The following ALDH4A1 variants were observed in gnomAD, a reference collection of about 807,000 sequenced individuals.
The protein encoded by ALDH4A1 is delta-1-pyrroline-5-carboxylate dehydrogenase, mitochondrial.
Under a neutral mutation model 70.5 loss-of-function variants are expected in ALDH4A1, and 46 were observed. The ratio of observed to expected loss-of-function variants is 0.65; its 90% CI spans 0.51 to 0.83. The LOEUF (loss-of-function observed/expected upper bound fraction) is 0.83, where lower values mean the gene tolerates loss of function less well. Ranked by LOEUF, ALDH4A1 falls within the 40% of genes least tolerant of loss-of-function variation. ALDH4A1 has a pLI of 0.00. For missense variants in ALDH4A1, 749 were observed against 766.5 expected (o/e 0.98, Z 0.27); for synonymous variants, 323 against 324.3 (o/e 1.00, Z 0.04).
At chr1:18,886,861 G>C in intron 3 of ALDH4A1, among the ~76,000 whole-genome samples, 1 of 152,190 alleles carries the variant, frequency 6.6e-6, no homozygotes, top group East Asian at 1.9e-4. Context: ...TGGGGCCCCA[G>C]GTAAGCTCAC....
intron 11 of ALDH4A1, among the ~76,000 whole-genome samples, chr1:18,876,819 A>C (rs1285626325): frequency 6.6e-6 from 1 of 152,164 alleles, no homozygotes; most frequent in Non-Finnish European, 1.5e-5. Context: ...CTCCATGTAC[A>C]TGCGTGTGGG....
At chr1:18,883,606 C>G (rs1048392065) in intron 5 of ALDH4A1, among the ~76,000 whole-genome samples, 178 bp from the exon 6 acceptor site, 1 of 152,202 alleles carries the variant, frequency 6.6e-6, no homozygotes, top group Non-Finnish European at 1.5e-5. Context: ...TTCTCAAGCC[C>G]CTGAGCTAGC....
intron 10 of ALDH4A1, 59 bp downstream of exon 10, chr1:18,877,357 A>T: frequency 1.3e-6 from 2 of 1,553,436 alleles, no homozygotes; most frequent in Non-Finnish European, 1.7e-6. Context: ...GGAGCCTCCC[A>T]GGGACCCAAT....
Position 18,872,875 on chromosome 1 carries a change from C to T in ALDH4A1, c.1662G>A (p.Leu554=). 1 of 1,614,072 alleles carries T rather than the reference C, an allele frequency of 6.2e-7. No homozygotes were observed. Among genetic ancestry groups the T allele is most frequent in the Non-Finnish European group, 8.5e-7 (1 of 1,180,026 alleles). The change falls in exon 15 of 15, where the codon CTG becomes CTA. Residue 554 remains leucine (L), a synonymous_variant. Coordinates refer to ENST00000375341, the MANE Select transcript of ALDH4A1 (RefSeq NM_003748.4). ...PQVIKETHKP[L]GDWSYAYMQ ...GCATGTACGCGTAGCTCCAGTCCCC[C>T]AGGGGCTTATGTGTCTCCTTGATGA...
In ALDH4A1 at chr1:18,880,817, C is replaced by T. The variant is rs1212446416; in HGVS notation, c.866+883G>A. 6.6e-6 allele frequency among the ~76,000 whole-genome samples: 1 copy of T among 152,212 alleles called. No homozygotes were observed. The highest frequency in any genetic ancestry group is 1.5e-5 in the Non-Finnish European group (1 of 68,048). ...TTAGGAGTCAAAGAAAGTAGAGCCTCTTGCCAGATCCAATTTGGGGGCCAT... is the reference window on the plus strand; with the variant it reads ...TTAGGAGTCAAAGAAAGTAGAGCCTTTTGCCAGATCCAATTTGGGGGCCAT... On this transcript the variant is annotated intron_variant, in intron 8 of 14. Transcript: ENST00000375341. This position sits in a 1 kb window ranked among gnomAD's most constrained non-coding sequence, Gnocchi z 5.1.
At chr1:18,900,159 C>T (rs570151353) in intron 1 of ALDH4A1, among the ~76,000 whole-genome samples, 1 of 152,152 alleles carries the variant, frequency 6.6e-6, no homozygotes. Context: ...TAAAAGAAAA[C>T]ATGTATCAAG....
intron 5 of ALDH4A1, 126 bp downstream of exon 5, chr1:18,885,346 AC>A (rs1485622209): frequency 3.3e-6 from 3 of 903,450 alleles, no homozygotes; most frequent in East Asian, 5.3e-5. Context: ...TCCCTTGAGG[AC>A]ATCTCTGGGT....
In ALDH4A1 at chr1:18,881,826, C is replaced by A. The variant is rs558761793; in HGVS notation, c.740G>T (p.Arg247Leu). ...TAMLASYAVYRILREAGLPPN... is the reference protein window; with the variant it reads ...TAMLASYAVYLILREAGLPPN... ...GGGCAGGCCAGCCTCCCGAAGGATG[C>A]GGTAGACAGCATAGCTGGCCAGCAT... The change falls in exon 8 of 15, where the codon CGC (arginine) becomes CTC (leucine). Residue 247 changes from arginine to leucine, a missense_variant. Coordinates refer to ENST00000375341, the MANE Select transcript of ALDH4A1 (RefSeq NM_003748.4). 2.2e-4 allele frequency: 348 copies of A among 1,613,860 alleles called. 4 individuals are homozygous for A. The highest frequency in any genetic ancestry group is 1.9e-3 in the South Asian group (169 of 91,078).
intron 1 of ALDH4A1, among the ~76,000 whole-genome samples, chr1:18,897,662 G>T (rs945732092): frequency 2.6e-5 from 4 of 152,210 alleles, no homozygotes; most frequent in African/African-American, 7.2e-5. Flanking sequence ...CCTGGCTCAG[G>T]GTCACAGCTC....
At chr1:18,893,169 C>A (rs1935501734) in intron 1 of ALDH4A1, among the ~76,000 whole-genome samples, 2 of 152,204 alleles carry the variant, frequency 1.3e-5, no homozygotes, top group Non-Finnish European at 2.9e-5. Flanking sequence ...AAAGCACAGG[C>A]CCCAGAAGTG....
chr1:18,890,971 A>C (rs1935410851), intron 1 of ALDH4A1: 1 of 899,450 alleles, frequency 1.1e-6, no homozygotes, highest in Non-Finnish European at 1.3e-6. Flanking sequence ...AGCTCAGCTC[A>C]CAGCCCCGGG....
chr1:18,879,227 C>A, intron 9 of ALDH4A1, 73 bp downstream of exon 9: 1 of 1,439,580 alleles, frequency 6.9e-7, no homozygotes, highest in Non-Finnish European at 9.6e-7. Flanking sequence ...CCCTCTACCT[C>A]CCTCCTCTTT....
chr1:18,876,344 T>C lies in ALDH4A1; in HGVS notation c.1309A>G (p.Lys437Glu). ...TTCATGATGGGCTCCTGAGGGTCCT[T>C]GCTCTCCACGATGCAGGGCTCCACA... ...YFVEPCIVES[K>E]DPQEPIMKEE... The change falls in exon 12 of 15, where the codon AAG becomes GAG. Residue 437 changes from lysine to glutamate, a missense_variant. Coordinates refer to ENST00000375341, the MANE Select transcript of ALDH4A1 (RefSeq NM_003748.4). 6.2e-7 allele frequency: 1 copy of C among 1,613,958 alleles called. No homozygotes were observed. Among genetic ancestry groups the C allele is most frequent in the Non-Finnish European group, 8.5e-7 (1 of 1,179,990 alleles).
chr1:18,873,231 G>A (rs1364184015), intron 14 of ALDH4A1, among the ~76,000 whole-genome samples: 1 of 152,166 alleles, frequency 6.6e-6, no homozygotes, highest in African/African-American at 2.4e-5. Flanking sequence ...GGTGTGGCGT[G>A]GAGAGAACAC....
rs1188025148 is a variant in ALDH4A1, at chr1:18,871,757, A to G, written c.*1088T>C. 1 of 152,238 alleles carries G rather than the reference A, an allele frequency of 6.6e-6. No homozygotes were observed. Among genetic ancestry groups the G allele is most frequent in the Non-Finnish European group, 1.5e-5 (1 of 68,038 alleles). 9.4% of individuals were successfully genotyped at this position (152,238 alleles called of 1,614,324 possible). A position where few individuals can be genotyped will look rare whatever the true frequency, so the allele number is the denominator to read the frequency against. On this transcript the variant is annotated 3_prime_UTR_variant, in exon 15 of 15. Transcript: ENST00000375341. The stretch of plus-strand genomic sequence containing the variant: ...CATCCTTGAAAGTCATGCTTTACAG[A>G]TCTCTGACCACTCAGAATCCAAGCA...
chr1:18,899,653 TTAATC>T (rs1463100222), intron 1 of ALDH4A1, among the ~76,000 whole-genome samples: 2 of 152,242 alleles, frequency 1.3e-5, no homozygotes, highest in Non-Finnish European at 2.9e-5. Context: ...CCTCAGTTGT[TTAATC>T]TGTGAAATGG....
chr1:18,885,436 A>ACCCCCCCCCCCCCCC, intron 5 of ALDH4A1, 37 bp downstream of exon 5: 24 of 386,854 alleles, frequency 6.2e-5, no homozygotes, highest in East Asian at 1.3e-4. Flanking sequence ...CTCCCACCCC[A>ACCCCCCCCCCCCCCC]CCCCGCCCCA....
At chr1:18,881,990 C>G (rs1934994893) in intron 7 of ALDH4A1, 103 bp from the exon 8 acceptor site, 1 of 1,199,744 alleles carries the variant, frequency 8.3e-7, no homozygotes, top group South Asian at 1.3e-5. Flanking sequence ...CTGGAACCAC[C>G]AGACTCTGTG....
At position 18,889,571 on chromosome 1, in the gene ALDH4A1, G is replaced by C. The variant is rs1005894921; in HGVS notation, c.157-117C>G. ...CAGGCAATACAGAAATGAGAAGGGG[G>C]CCAGGCCAGGTCGGTGGCCATCAGA... On this transcript the variant is annotated intron_variant, in intron 2 of 14. Transcript: ENST00000375341. 4.4e-6 allele frequency: 4 copies of C among 917,314 alleles called. No individual in the cohort carries two copies. The African/African-American group carries it at 4.9e-5, about 11-fold the overall frequency. 56.8% of individuals were successfully genotyped at this position (917,314 alleles called of 1,614,324 possible). A position where few individuals can be genotyped will look rare whatever the true frequency, so the allele number is the denominator to read the frequency against.
Sources: gnomAD v4.1 joint callset for allele counts (sites outside exome capture counted in the v4.1 genomes callset) on GRCh38, gnomAD v4.1.1 for gene constraint, Gnocchi (gnomAD v3.1) non-coding constraint, MANE v1.5 for transcripts, NCBI Gene and HGNC (gene_info 2026-07-23, HGNC 2026-07-21) for gene names.